KDM3B: variants seen among roughly 807,000 people sequenced by gnomAD.
KDM3B encodes the protein lysine-specific demethylase 3B.
A neutral mutation model predicts 170.0 loss-of-function variants in KDM3B; 10 were observed. The ratio of observed to expected loss-of-function variants is 0.06; its 90% CI spans 0.04 to 0.10. The LOEUF (loss-of-function observed/expected upper bound fraction) is 0.10. Ranked by LOEUF, KDM3B falls within the 10% of genes least tolerant of loss-of-function variation. KDM3B has a pLI of 1.00. For synonymous variants in KDM3B, 831 were observed against 834.8 expected (o/e 1.00, Z 0.08); for missense variants, 1,394 against 2,195.2 (o/e 0.64, Z 7.29).
At chr5:138,411,163 C>T (rs1222352333) in intron 11 of KDM3B, among the ~76,000 whole-genome samples, 3 of 152,128 alleles carry the variant, frequency 2.0e-5, no homozygotes. Flanking sequence ...CACCTGGCAA[C>T]GGGCGTCTTC....
chr5:138,412,876 CA>C (rs1339355257), intron 11 of KDM3B, among the ~76,000 whole-genome samples: 2 of 152,164 alleles, frequency 1.3e-5, no homozygotes, highest in Admixed American at 1.3e-4. Flanking sequence ...CTTTTACGCT[CA>C]AGCGATTCTT....
intron 1 of KDM3B, among the ~76,000 whole-genome samples, chr5:138,355,113 T>G (rs1049454043): frequency 6.6e-6 from 1 of 152,220 alleles, no homozygotes; most frequent in African/African-American, 2.4e-5. Context: ...TCAAAAGTGT[T>G]CTTCCCGTAC....
intron 2 of KDM3B, among the ~76,000 whole-genome samples, chr5:138,373,874 A>G: frequency 6.6e-6 from 1 of 152,246 alleles, no homozygotes; most frequent in Non-Finnish European, 1.5e-5. Flanking sequence ...CTTCTAAAAA[A>G]TCCTGATTTT....
At chr5:138,411,162 A>G (rs150859426) in intron 11 of KDM3B, among the ~76,000 whole-genome samples, 1,603 of 152,316 alleles carry the variant, frequency 0.011, 13 homozygotes, top group Non-Finnish European at 0.016. Flanking sequence ...CCACCTGGCA[A>G]CGGGCGTCTT....
intron 19 of KDM3B, among the ~76,000 whole-genome samples, chr5:138,427,738 G>A (rs1481636698): frequency 6.6e-6 from 1 of 152,160 alleles, no homozygotes; most frequent in Non-Finnish European, 1.5e-5. Flanking sequence ...TGTTTTTCAT[G>A]GAGAGATTGT....
At chr5:138,410,098 GAA>G (rs1762923789) in intron 11 of KDM3B, among the ~76,000 whole-genome samples, 1 of 151,666 alleles carries the variant, frequency 6.6e-6, no homozygotes, top group Non-Finnish European at 1.5e-5. Flanking sequence ...AAGAAAAAAA[GAA>G]AAGAAAAGAA....
chr5:138,381,414 G>C (rs1397235836), intron 5 of KDM3B, 102 bp from the exon 6 acceptor site: 4 of 730,690 alleles, frequency 5.5e-6, no homozygotes, highest in Non-Finnish European at 9.5e-6. Context: ...CATTCTAGTA[G>C]GTGAGTTGAA....
chr5:138,379,837 A>G, intron 5 of KDM3B, 129 bp downstream of exon 5: 1 of 814,472 alleles, frequency 1.2e-6, no homozygotes, highest in Non-Finnish European at 1.8e-6. Context: ...TAATAGTTGT[A>G]TAACCCCTAG....
rs190761554 is a variant in KDM3B at position 138,372,360 on chromosome 5, G to A, written c.193-314G>A. On this transcript the variant is annotated intron_variant, in intron 1 of 23. Coordinates refer to ENST00000314358, the MANE Select transcript of KDM3B (RefSeq NM_016604.4). Reference sequence around the variant, plus strand: ...TAGTATAGTACCTTATATATGGTAAGCCCTCAGCTAGTATGTGTAGATACG... The same window carrying A: ...TAGTATAGTACCTTATATATGGTAAACCCTCAGCTAGTATGTGTAGATACG... Among the ~76,000 whole-genome samples, 4 of 152,222 alleles carry A rather than the reference G, an allele frequency of 2.6e-5. No individual in the cohort carries two copies. The East Asian group carries it at 7.7e-4, about 29-fold the overall frequency.
At chr5:138,382,699 G>A (rs1762156438) in intron 6 of KDM3B, among the ~76,000 whole-genome samples, 1 of 151,684 alleles carries the variant, frequency 6.6e-6, no homozygotes, top group Non-Finnish European at 1.5e-5. Flanking sequence ...GCAGGGTCTC[G>A]CTATCTTGCC....
intron 11 of KDM3B, among the ~76,000 whole-genome samples, chr5:138,400,603 A>G (rs1313444815): frequency 6.6e-6 from 1 of 152,084 alleles, no homozygotes; most frequent in African/African-American, 2.4e-5. Flanking sequence ...AAAATTAGCT[A>G]GCTAGATATG....
At position 138,391,639 on chromosome 5, in the gene KDM3B, G is replaced by A; in HGVS notation, c.2007G>A (p.Lys669=). Residue 669 remains lysine, a synonymous_variant, in exon 8 of 24, where the codon AAG becomes AAA. Transcript: ENST00000314358. The surrounding 1 kb of genome is among the most constrained non-coding windows in gnomAD (Gnocchi z 5.0). ...CTTCTGCTACCACTGTCACCTCCAAGGTGGCACCCAGCTGGCCCGAGTCTC... is the reference window on the plus strand; with the variant it reads ...CTTCTGCTACCACTGTCACCTCCAAAGTGGCACCCAGCTGGCCCGAGTCTC... The part of the protein sequence containing the change: ...SSSSATTVTS[K]VAPSWPESHS... 1 of 1,614,100 alleles carries A rather than the reference G, an allele frequency of 6.2e-7. No homozygotes were observed. Among genetic ancestry groups the A allele is most frequent in the Non-Finnish European group, 8.5e-7 (1 of 1,180,022 alleles).
chr5:138,418,652 G>C (rs1763171348), intron 13 of KDM3B, among the ~76,000 whole-genome samples: 1 of 152,144 alleles, frequency 6.6e-6, no homozygotes, highest in African/African-American at 2.4e-5. Context: ...GTAATCCTAA[G>C]AACAGCACTA....
At chr5:138,379,767 G>C in intron 5 of KDM3B, 59 bp downstream of exon 5, 1 of 1,508,710 alleles carries the variant, frequency 6.6e-7, no homozygotes, top group Non-Finnish European at 8.9e-7. Context: ...GGATGGTTTA[G>C]ATAGGCGAGC....
At chr5:138,377,952 T>C in intron 4 of KDM3B, 127 bp downstream of exon 4, 1 of 466,072 alleles carries the variant, frequency 2.1e-6, no homozygotes, top group Non-Finnish European at 3.7e-6. Flanking sequence ...CAGAGTCAGA[T>C]GCCACATGAA....
intron 3 of KDM3B, among the ~76,000 whole-genome samples, chr5:138,377,407 T>G (rs1006529984): frequency 2.0e-5 from 3 of 151,068 alleles, no homozygotes; most frequent in African/African-American, 7.3e-5. Flanking sequence ...GAACATCTCA[T>G]GAGAATAGAG....
At chr5:138,358,302 CTTTCTTTTT>C (rs976324626) in intron 1 of KDM3B, among the ~76,000 whole-genome samples, 1 of 109,804 alleles carries the variant, frequency 9.1e-6, no homozygotes, top group African/African-American at 3.4e-5. Flanking sequence ...TTCTTTCTTT[CTTTCTTTTT>C]TTTTTTTTTT....
intron 12 of KDM3B, among the ~76,000 whole-genome samples, chr5:138,416,588 C>CAAAAAA (rs545925296): frequency 4.8e-5 from 4 of 84,194 alleles, no homozygotes; most frequent in African/African-American, 1.4e-4. Context: ...GACTCTGTCT[C>CAAAAAA]AAAAAAAAAA....
chr5:138,389,778 C>CTGTG (rs780753775), intron 7 of KDM3B, among the ~76,000 whole-genome samples: 16,765 of 119,160 alleles, frequency 0.14, 1,238 homozygotes, highest in South Asian at 0.26. Flanking sequence ...CTCTCTCTCT[C>CTGTG]TCTCTGTGTG....
Sources: allele counts gnomAD v4.1 joint callset (sites outside exome capture counted in the v4.1 genomes callset), GRCh38; gene constraint gnomAD v4.1.1; non-coding constraint Gnocchi (gnomAD v3.1); transcripts MANE v1.5; gene names NCBI Gene and HGNC (gene_info 2026-07-23, HGNC 2026-07-21).